Variants in GALM observed in about 807,000 individuals in gnomAD.
GALM encodes aldose 1-epimerase.
GALM carries 43 observed loss-of-function variants against 37.4 expected under a neutral mutation model. The ratio of observed to expected loss-of-function variants is 1.15; its 90% CI spans 0.90 to 1.48. GALM has a LOEUF of 1.48. GALM is among the 40% of genes most tolerant of loss of function. The probability of loss-of-function intolerance (pLI) is 0.00; values close to 1 mark genes in which losing one functional copy is unlikely to be tolerated. For missense variants in GALM, 456 were observed against 419.1 expected (o/e 1.09, Z -0.77); for synonymous variants, 199 against 170.6 (o/e 1.17, Z -1.30).
intron 1 of GALM, among the ~76,000 whole-genome samples, chr2:38,666,944 A>G (rs1425388759): frequency 6.6e-6 from 1 of 152,136 alleles, no homozygotes; most frequent in Non-Finnish European, 1.5e-5. Context: ...ACTAGGATGG[A>G]CTTTTATCCC....
chr2:38,717,306 A>AGTGTGTGTGTGT (rs56902027), intron 4 of GALM, among the ~76,000 whole-genome samples: 1 of 143,652 alleles, frequency 7.0e-6, no homozygotes, highest in East Asian at 2.1e-4. Context: ...GTATTAAGGG[A>AGTGTGTGTGTGT]GTGTGTGTGT....
At chr2:38,680,793 A>G (rs1402340867) in intron 2 of GALM, among the ~76,000 whole-genome samples, 2 of 152,148 alleles carry the variant, frequency 1.3e-5, no homozygotes, top group African/African-American at 4.8e-5. Flanking sequence ...GTTAGAGAAA[A>G]GAGAATGGGG....
At chr2:38,692,146 A>T (rs1035127723) in intron 4 of GALM, among the ~76,000 whole-genome samples, 1 of 152,208 alleles carries the variant, frequency 6.6e-6, no homozygotes, top group African/African-American at 2.4e-5. Context: ...AGCTCATGAA[A>T]AATTTGTAAT....
intron 4 of GALM, among the ~76,000 whole-genome samples, chr2:38,714,751 C>G (rs1666236748): frequency 6.6e-6 from 1 of 152,192 alleles, no homozygotes; most frequent in South Asian, 2.1e-4. Context: ...ACAGATAATT[C>G]TGAGAAGCAT....
At chr2:38,704,720 A>G (rs1179247578) in intron 4 of GALM, among the ~76,000 whole-genome samples, 3 of 152,088 alleles carry the variant, frequency 2.0e-5, no homozygotes, top group Non-Finnish European at 4.4e-5. Flanking sequence ...TACTTGGACA[A>G]CAGTAAAAAA....
intron 4 of GALM, among the ~76,000 whole-genome samples, chr2:38,690,275 C>G (rs576176014): frequency 1.3e-5 from 2 of 151,898 alleles, no homozygotes; most frequent in Non-Finnish European, 2.9e-5. Flanking sequence ...AGTTTGAGAT[C>G]AGCCTGAGCA....
intron 4 of GALM, among the ~76,000 whole-genome samples, chr2:38,723,753 T>A (rs981959899): frequency 3.3e-5 from 5 of 151,230 alleles, no homozygotes. Context: ...ATCAAACCAC[T>A]GCACTCCAGC....
chr2:38,688,471 A>G (rs1232675144), intron 3 of GALM, among the ~76,000 whole-genome samples: 2 of 151,886 alleles, frequency 1.3e-5, no homozygotes, highest in Non-Finnish European at 2.9e-5. Flanking sequence ...AGATCGCGCC[A>G]TTGCATTCCG....
chr2:38,705,687 C>T (rs2148445638), intron 4 of GALM, among the ~76,000 whole-genome samples: 1 of 152,264 alleles, frequency 6.6e-6, no homozygotes, highest in East Asian at 1.9e-4. Context: ...AAATTTAAGG[C>T]AGCATCCACT....
chr2:38,711,827 C>CCATCAT (rs1666174875), intron 4 of GALM, among the ~76,000 whole-genome samples: 4 of 127,470 alleles, frequency 3.1e-5, no homozygotes, highest in Non-Finnish European at 5.3e-5. Context: ...ATCACTATCA[C>CCATCAT]CACCATCATC....
chr2:38,679,178 A>G (rs1433604976), intron 2 of GALM, among the ~76,000 whole-genome samples: 1 of 152,024 alleles, frequency 6.6e-6, no homozygotes, highest in African/African-American at 2.4e-5. Flanking sequence ...GTAGAGACGA[A>G]GTTTCACCAT....
chr2:38,699,059 G>A (rs1665865703), intron 4 of GALM, among the ~76,000 whole-genome samples: 2 of 151,944 alleles, frequency 1.3e-5, no homozygotes, highest in African/African-American at 4.8e-5. Context: ...GATTACAAAC[G>A]CCCACCACCA....
rs561374373 is a variant in GALM at position 38,684,739 on chromosome 2, G to A, written c.552+3253G>A. Among the ~76,000 whole-genome samples the A allele has an allele frequency of 7.9e-5, 12 of 152,278 alleles. No homozygotes were observed. In the South Asian group the frequency reaches 1.9e-3, roughly 24 times the overall value. ...TGAGAATTGCTTGAACCCAGGAGAC[G>A]GAGGTTGCAGTGAGCCAAGATTGCG... is the stretch of plus-strand genomic sequence containing the variant. On this transcript the variant is annotated intron_variant, in intron 3 of 6. Coordinates refer to ENST00000272252, the MANE Select transcript of GALM (RefSeq NM_138801.3).
At chr2:38,729,840 C>G in intron 5 of GALM, 143 bp downstream of exon 5, 1 of 672,346 alleles carries the variant, frequency 1.5e-6, no homozygotes, top group South Asian at 1.8e-5. Flanking sequence ...TTTCTCAAAG[C>G]TCCCATGGCA....
chr2:38,684,107 A>T (rs1665468133), intron 3 of GALM, among the ~76,000 whole-genome samples: 2 of 152,196 alleles, frequency 1.3e-5, no homozygotes, highest in African/African-American at 2.4e-5. Context: ...CCAGGCACAT[A>T]GCTCAAAACC....
rs11542708 is a variant in GALM at position 38,681,371 on chromosome 2, T to C, written c.437T>C (p.Val146Ala). The part of the protein sequence containing the change: ...GEEGYPGELK[V>A]WVTYTLDGGE... ...GAAGGCTACCCCGGAGAGTTAAAAG[T>C]CTGGGTGACATACACCCTGGATGGC... The change falls in exon 3 of 7, where the codon GTC (valine) becomes GCC (alanine). Residue 146 changes from valine (V) to alanine (A), a missense_variant. Coordinates refer to ENST00000272252, the MANE Select transcript of GALM (RefSeq NM_138801.3). 2 of 1,614,122 alleles carry C rather than the reference T, an allele frequency of 1.2e-6. No homozygotes were observed. Among genetic ancestry groups the C allele is most frequent in the East Asian group, 2.2e-5 (1 of 44,884 alleles).
At chr2:38,726,869 C>G (rs1666496429) in intron 4 of GALM, among the ~76,000 whole-genome samples, 1 of 144,592 alleles carries the variant, frequency 6.9e-6, no homozygotes, top group South Asian at 2.3e-4. Flanking sequence ...GCACTCCAGC[C>G]TGGGCAACAA....
At chr2:38,731,396 CAAAAAA>C (rs66613702) in intron 5 of GALM, among the ~76,000 whole-genome samples, 6 of 121,666 alleles carry the variant, frequency 4.9e-5, no homozygotes, top group Middle Eastern at 4.1e-3. Flanking sequence ...GACTCTATTT[CAAAAAA>C]AAAAAAAAAA....
chr2:38,700,025 C>T (rs953673687), intron 4 of GALM, among the ~76,000 whole-genome samples: 1 of 152,100 alleles, frequency 6.6e-6, no homozygotes, highest in Admixed American at 6.6e-5. Flanking sequence ...GATCTTGACT[C>T]ACTGCAACCT....
Sources: allele counts gnomAD v4.1 joint callset (sites outside exome capture counted in the v4.1 genomes callset), GRCh38; gene constraint gnomAD v4.1.1; transcripts MANE v1.5; gene names NCBI Gene and HGNC (gene_info 2026-07-23, HGNC 2026-07-21).